The following DNM3 variants were observed in gnomAD, a reference collection of about 807,000 sequenced individuals.
DNM3 encodes the protein dynamin-3.
Under a neutral mutation model 101.6 loss-of-function variants are expected in DNM3, and 47 were observed. The ratio of observed to expected loss-of-function variants is 0.46; its 90% CI spans 0.37 to 0.59. The LOEUF is 0.59. Among genes scored for constraint, DNM3 ranks in the 20% least tolerant of loss-of-function variants. DNM3 has a pLI of 0.00. For synonymous variants in DNM3, 385 were observed against 387.9 expected (o/e 0.99, Z 0.09); for missense variants, 849 against 1,085.7 (o/e 0.78, Z 3.06).
chr1:171,958,803 T>C (rs2043025294), intron 2 of DNM3, among the ~76,000 whole-genome samples: 1 of 152,244 alleles, frequency 6.6e-6, no homozygotes, highest in Non-Finnish European at 1.5e-5. Context: ...TAGATATACC[T>C]ATCTTATATA....
chr1:172,411,047 T>A lies in DNM3; in HGVS notation c.*3206T>A, dbSNP rs1173690154. The A allele has an allele frequency of 4.1e-6, 4 of 985,122 alleles. No homozygotes were observed. The highest frequency in any genetic ancestry group is 4.8e-6 in the Non-Finnish European group (4 of 829,814). 61.0% of individuals were successfully genotyped at this position (985,122 alleles called of 1,614,324 possible). On this transcript the variant is annotated 3_prime_UTR_variant, in exon 21 of 21. Transcript: ENST00000627582. The stretch of plus-strand genomic sequence containing the variant: ...TAGGTTTTAAAAATACTAGTTAAAA[T>A]GCCACAAGCATGAGTGTGATTGTAT...
chr1:172,412,177 T>C lies in DNM3; in HGVS notation c.*4336T>C. On this transcript the variant is annotated 3_prime_UTR_variant, in exon 21 of 21. Transcript: ENST00000627582. ...TATTGGTGAGACTTCTCACTTCTGG[T>C]TGGAGGTTTCACATATGGCTCAACT... The C allele has an allele frequency of 1.0e-6, 1 of 985,812 alleles. No individual in the cohort carries two copies. 61.1% of individuals were successfully genotyped at this position (985,812 alleles called of 1,614,324 possible). A position where few individuals can be genotyped will look rare whatever the true frequency, so the allele number is the denominator to read the frequency against.
At chr1:171,954,156 T>G (rs1486051318) in intron 2 of DNM3, among the ~76,000 whole-genome samples, 2 of 152,238 alleles carry the variant, frequency 1.3e-5, no homozygotes, top group South Asian at 4.1e-4. Flanking sequence ...TGCAGCCCAT[T>G]GTAACTGCCA....
At position 172,350,316 on chromosome 1, in the gene DNM3, T is replaced by G. The variant is rs12143701; in HGVS notation, c.1893+26976T>G. Among the ~76,000 whole-genome samples the G allele has an allele frequency of 5.7e-3, 841 of 148,136 alleles. 3 individuals are homozygous for G. The highest frequency in any genetic ancestry group is 0.022 in the South Asian group (101 of 4,618). ...ATTTTTCATACCCTTCCATTTTATC[T>G]TGTGTGTGTGTGTGTGTGTGTGTGT... On this transcript the variant is annotated intron_variant, in intron 17 of 20. Coordinates refer to ENST00000627582, the MANE Select transcript of DNM3 (RefSeq NM_015569.5).
intron 16 of DNM3, chr1:172,309,576 A>G (rs1239288701): frequency 6.6e-6 from 1 of 152,158 alleles, no homozygotes; most frequent in Non-Finnish European, 1.5e-5. Context: ...GTATATCTAG[A>G]TTATCCAGGT....
Position 172,152,279 on chromosome 1 carries a change from TC to T in DNM3, c.1659+20992del, listed in dbSNP as rs962107603. The stretch of plus-strand genomic sequence containing the variant: ...ACTTCCCTTCCTTTTTTTTTTTTTT[TC>T]AGTGATCCCAGACCCAGAAGTTTTT... On this transcript the variant is annotated intron_variant, in intron 14 of 20. Transcript: ENST00000627582. Among the ~76,000 whole-genome samples, 24 of 151,818 alleles carry T rather than the reference TC, an allele frequency of 1.6e-4. No individual in the cohort carries two copies. In the East Asian group the frequency reaches 4.3e-3, roughly 27 times the overall value.
chr1:172,228,136 A>AT (rs2061204388), intron 14 of DNM3, among the ~76,000 whole-genome samples: 1 of 151,388 alleles, frequency 6.6e-6, no homozygotes, highest in Non-Finnish European at 1.5e-5. Context: ...TTTGTTCATT[A>AT]TTTTGCCATG....
rs76799289 is a variant in DNM3, at chr1:172,249,117, G to T, written c.1660-4456G>T. 8.0e-3 allele frequency among the ~76,000 whole-genome samples: 1,212 copies of T among 152,242 alleles called. 9 individuals are homozygous for T. Among genetic ancestry groups the T allele is most frequent in the Non-Finnish European group, 0.013 (876 of 68,014 alleles). Reference sequence around the variant, plus strand: ...CATATGCAGGTCCTTTGCATATGCAGGAGCTATTCCCCCACACACCTGATC... The same window carrying T: ...CATATGCAGGTCCTTTGCATATGCATGAGCTATTCCCCCACACACCTGATC... On this transcript the variant is annotated intron_variant, in intron 14 of 20. Transcript: ENST00000627582.
chr1:172,237,871 A>T (rs2061603565), intron 14 of DNM3, among the ~76,000 whole-genome samples: 1 of 152,194 alleles, frequency 6.6e-6, no homozygotes, highest in African/African-American at 2.4e-5. Flanking sequence ...ATCAAAAGCA[A>T]TGTGTTCAGG....
intron 1 of DNM3, among the ~76,000 whole-genome samples, chr1:171,917,749 TTTC>T (rs1391040314): frequency 6.6e-6 from 1 of 152,210 alleles, no homozygotes; most frequent in African/African-American, 2.4e-5. Flanking sequence ...GCATACATAT[TTTC>T]TTTTTATATA....
intron 12 of DNM3, among the ~76,000 whole-genome samples, chr1:172,091,962 C>T (rs1171285000): frequency 6.6e-6 from 1 of 152,050 alleles, no homozygotes; most frequent in East Asian, 1.9e-4. Context: ...TAGTCGACAG[C>T]ATTTTCTGAT....
intron 13 of DNM3, among the ~76,000 whole-genome samples, chr1:172,105,356 A>G (rs965355085): frequency 6.6e-6 from 1 of 152,214 alleles, no homozygotes; most frequent in African/African-American, 2.4e-5. Context: ...AGCTTAGAAA[A>G]GTTAAATAGT....
intron 15 of DNM3, among the ~76,000 whole-genome samples, chr1:172,278,189 A>G (rs1342976091): frequency 6.6e-6 from 1 of 152,132 alleles, no homozygotes; most frequent in Non-Finnish European, 1.5e-5. Flanking sequence ...TATTTTCCTT[A>G]GGTGTATAAA....
chr1:171,925,551 T>C (rs2040504121), intron 2 of DNM3, among the ~76,000 whole-genome samples: 1 of 152,036 alleles, frequency 6.6e-6, no homozygotes, highest in African/African-American at 2.4e-5. Context: ...TTTAATGGGG[T>C]TATTTGTTTT....
chr1:172,009,198 T>G (rs1256374343), intron 4 of DNM3, among the ~76,000 whole-genome samples: 1 of 144,952 alleles, frequency 6.9e-6, no homozygotes, highest in African/African-American at 2.5e-5. Flanking sequence ...AAACCTATAT[T>G]TATAATTCTG....
At chr1:171,897,928 T>C (rs940313140) in intron 1 of DNM3, among the ~76,000 whole-genome samples, 1 of 152,088 alleles carries the variant, frequency 6.6e-6, no homozygotes, top group African/African-American at 2.4e-5. Flanking sequence ...TTCATTTTTT[T>C]TTTTGACTAA....
chr1:171,921,081 G>A (rs959711389), intron 1 of DNM3, among the ~76,000 whole-genome samples: 5 of 151,754 alleles, frequency 3.3e-5, no homozygotes, highest in East Asian at 1.9e-4. Flanking sequence ...ACGCCACCAC[G>A]TCTGGCTGGC....
In DNM3 at chr1:172,253,674, A is replaced by G. The variant is rs770760426; in HGVS notation, c.1761A>G (p.Thr587=). ...AGCACATCTTTGCACTCTTTAATACAGAGCAAAGGTAAGAAATTGAAACAG... is the reference window on the plus strand; with the variant it reads ...AGCACATCTTTGCACTCTTTAATACGGAGCAAAGGTAAGAAATTGAAACAG... ...SSKHIFALFN[T]EQRNVYKDYR... is the part of the protein sequence containing the mutation. Residue 587 remains threonine (T), a synonymous_variant, in exon 15 of 21, where the codon ACA becomes ACG. Transcript: ENST00000627582. 80 of 1,557,466 alleles carry G rather than the reference A, an allele frequency of 5.1e-5. No homozygotes were observed. The highest frequency in any genetic ancestry group is 2.3e-5 in the East Asian group (1 of 42,896).
chr1:172,411,561 G>A lies in DNM3; in HGVS notation c.*3720G>A, dbSNP rs2149137449. 1.0e-6 allele frequency: 1 copy of A among 978,168 alleles called. No individual in the cohort carries two copies. The highest frequency in any genetic ancestry group is 6.2e-5 in the Admixed American group (1 of 16,022). 60.6% of individuals were successfully genotyped at this position (978,168 alleles called of 1,614,324 possible). On this transcript the variant is annotated 3_prime_UTR_variant, in exon 21 of 21. Coordinates refer to ENST00000627582, the MANE Select transcript of DNM3 (RefSeq NM_015569.5). ...AGTAAAAAAAAAAAAAAAGGACATA[G>A]CAACATTAAAGTAGTGGATTTTTCT...
Sources: allele counts gnomAD v4.1 joint callset (sites outside exome capture counted in the v4.1 genomes callset), GRCh38; gene constraint gnomAD v4.1.1; transcripts MANE v1.5; gene names NCBI Gene and HGNC (gene_info 2026-07-23, HGNC 2026-07-21).